UBE2H: variants seen among roughly 807,000 people sequenced by gnomAD.
The protein encoded by UBE2H is ubiquitin conjugating enzyme E2 H, also known as ubiquitin-conjugating enzyme E2 H.
UBE2H carries 3 observed loss-of-function variants against 29.0 expected under a neutral mutation model. The ratio of observed to expected loss-of-function variants is 0.10; its 90% CI spans 0.05 to 0.27. UBE2H has a LOEUF of 0.27. Among genes scored for constraint, UBE2H ranks in the 10% least tolerant of loss-of-function variants. The probability of loss-of-function intolerance (pLI) is 1.00; values close to 1 mark genes in which losing one functional copy is unlikely to be tolerated. For synonymous variants in UBE2H, 69 were observed against 82.9 expected (o/e 0.83, Z 0.91); for missense variants, 68 against 228.2 (o/e 0.30, Z 4.52).
intron 1 of UBE2H, among the ~76,000 whole-genome samples, chr7:129,891,953 C>CTTTTTTTT (rs753851134): frequency 7.9e-6 from 1 of 127,116 alleles, no homozygotes; most frequent in Non-Finnish European, 1.6e-5. Flanking sequence ...CATGCTACAC[C>CTTTTTTTT]TTTTTTTTTT....
intron 5 of UBE2H, chr7:129,856,951 A>G (rs770254598): frequency 6.6e-6 from 1 of 152,282 alleles, no homozygotes; most frequent in Non-Finnish European, 1.5e-5. Flanking sequence ...GATGCTCTTT[A>G]TAACTCTCTG....
At chr7:129,941,360 C>T (rs1807638584) in intron 1 of UBE2H, among the ~76,000 whole-genome samples, 1 of 152,068 alleles carries the variant, frequency 6.6e-6, no homozygotes, top group Non-Finnish European at 1.5e-5. Flanking sequence ...GTCTCGAACT[C>T]CCGAGTTCAA....
chr7:129,917,357 A>G (rs947821876), intron 1 of UBE2H, among the ~76,000 whole-genome samples: 1 of 152,224 alleles, frequency 6.6e-6, no homozygotes, highest in African/African-American at 2.4e-5. Context: ...CTGAAGACAG[A>G]AAGAAAATGA....
At chr7:129,921,936 C>T (rs1003520522) in intron 1 of UBE2H, among the ~76,000 whole-genome samples, 1 of 152,036 alleles carries the variant, frequency 6.6e-6, no homozygotes, top group Non-Finnish European at 1.5e-5. Context: ...CTATTAATAT[C>T]CTCTGGTGTG....
intron 5 of UBE2H, among the ~76,000 whole-genome samples, chr7:129,846,551 C>T (rs1207631496): frequency 9.2e-6 from 1 of 109,068 alleles, no homozygotes; most frequent in Non-Finnish European, 1.9e-5. Context: ...AAGCAAGACC[C>T]TCTCTCTACC....
chr7:129,865,789 T>C (rs1308679053), intron 3 of UBE2H, among the ~76,000 whole-genome samples: 1 of 152,258 alleles, frequency 6.6e-6, no homozygotes, highest in Non-Finnish European at 1.5e-5. Flanking sequence ...AATTCTATTT[T>C]TTCAGTAGGT....
At chr7:129,867,922 A>T (rs1805947617) in intron 3 of UBE2H, among the ~76,000 whole-genome samples, 1 of 152,138 alleles carries the variant, frequency 6.6e-6, no homozygotes, top group African/African-American at 2.4e-5. Context: ...CCTTAAAATC[A>T]GGCAAATTGG....
intron 1 of UBE2H, among the ~76,000 whole-genome samples, chr7:129,918,661 C>T (rs1807092951): frequency 1.3e-5 from 2 of 152,156 alleles, no homozygotes; most frequent in South Asian, 4.1e-4. Context: ...ATAAAAAACA[C>T]CTGTGAAGAC....
intron 3 of UBE2H, among the ~76,000 whole-genome samples, chr7:129,870,650 G>A (rs1013088774): frequency 2.0e-5 from 3 of 152,030 alleles, no homozygotes; most frequent in Non-Finnish European, 2.9e-5. Flanking sequence ...CAGCATCTCC[G>A]GCTACAAAAG....
chr7:129,944,748 A>ACACACACACACGCACG (rs34490269), intron 1 of UBE2H, among the ~76,000 whole-genome samples: 1 of 140,156 alleles, frequency 7.1e-6, no homozygotes, highest in African/African-American at 2.7e-5. Flanking sequence ...ACACACACAC[A>ACACACACACACGCACG]CACGCACGCA....
chr7:129,909,200 T>TC (rs1806880066), intron 1 of UBE2H, among the ~76,000 whole-genome samples: 1 of 152,026 alleles, frequency 6.6e-6, no homozygotes, highest in Admixed American at 6.6e-5. Flanking sequence ...AACTATGTAA[T>TC]ATAAGGAGCA....
At chr7:129,911,264 A>G (rs544298790) in intron 1 of UBE2H, among the ~76,000 whole-genome samples, 46 of 152,118 alleles carry the variant, frequency 3.0e-4, no homozygotes, top group African/African-American at 1.0e-3. Flanking sequence ...GCTACTCAGG[A>G]GGCTGAGGCA....
chr7:129,864,552 C>CTTTTTTTTTTTTTTT (rs757244811), intron 3 of UBE2H, among the ~76,000 whole-genome samples: 4 of 75,664 alleles, frequency 5.3e-5, no homozygotes, highest in African/African-American at 4.8e-5. Context: ...TTTTTCTTTT[C>CTTTTTTTTTTTTTTT]TTTCTTTTTT....
chr7:129,901,736 A>T (rs1806720897), intron 1 of UBE2H, among the ~76,000 whole-genome samples: 1 of 152,112 alleles, frequency 6.6e-6, no homozygotes, highest in African/African-American at 2.4e-5. Context: ...CTGGGATTAC[A>T]GGTGCCCGCC....
At chr7:129,937,433 A>G (rs1807554331) in intron 1 of UBE2H, among the ~76,000 whole-genome samples, 1 of 152,250 alleles carries the variant, frequency 6.6e-6, no homozygotes. Context: ...ATCATGGTTT[A>G]TATGTTATAT....
chr7:129,848,734 C>T (rs1333828945), intron 5 of UBE2H, among the ~76,000 whole-genome samples: 1 of 151,852 alleles, frequency 6.6e-6, no homozygotes, highest in African/African-American at 2.4e-5. Context: ...ATGAATTTTA[C>T]AATATGTGCC....
intron 1 of UBE2H, among the ~76,000 whole-genome samples, chr7:129,924,414 C>T (rs1448738285): frequency 6.6e-6 from 1 of 152,156 alleles, no homozygotes; most frequent in Non-Finnish European, 1.5e-5. Flanking sequence ...AGGTTTTCTA[C>T]TTTGAACTTC....
intron 6 of UBE2H, among the ~76,000 whole-genome samples, chr7:129,837,903 T>C (rs1487937713): frequency 6.6e-6 from 1 of 152,196 alleles, no homozygotes; most frequent in African/African-American, 2.4e-5. Flanking sequence ...GGCTCGGTTC[T>C]TTTTGTAAAT....
At chr7:129,868,589 A>G (rs1167098337) in intron 3 of UBE2H, among the ~76,000 whole-genome samples, 2 of 100,922 alleles carry the variant, frequency 2.0e-5, no homozygotes, top group Non-Finnish European at 4.6e-5. Flanking sequence ...TCCGTCTCAA[A>G]AAAAAAAAAA....
Sources: gnomAD v4.1 joint callset for allele counts (sites outside exome capture counted in the v4.1 genomes callset) on GRCh38, gnomAD v4.1.1 for gene constraint, MANE v1.5 for transcripts, NCBI Gene and HGNC (gene_info 2026-07-23, HGNC 2026-07-21) for gene names.